LRRC15: variants seen among roughly 807,000 people sequenced by gnomAD.
LRRC15 encodes the protein leucine-rich repeat-containing protein 15.
LRRC15 carries 5 observed loss-of-function variants against 4.3 expected under a neutral mutation model. The observed-to-expected ratio is 1.16, with a 90% confidence interval of 0.61 to 2.44. The LOEUF is 2.44. Among genes scored for constraint, LRRC15 ranks in the 30% most tolerant of loss-of-function variants. The pLI is 0.01. For synonymous variants in LRRC15, 337 were observed against 323.2 expected (o/e 1.04, Z -0.46); for missense variants, 769 against 747.0 (o/e 1.03, Z -0.34).
At chr3:194,362,948 T>G (rs546736427) in intron 1 of LRRC15, among the ~76,000 whole-genome samples, 91 of 147,784 alleles carry the variant, frequency 6.2e-4, no homozygotes, top group East Asian at 4.9e-3. Flanking sequence ...TGTTTTTTTT[T>G]TTTTTTTTTT....
chr3:194,368,335 C>A (rs1395021905), intron 1 of LRRC15, among the ~76,000 whole-genome samples: 2 of 152,080 alleles, frequency 1.3e-5, no homozygotes, highest in Non-Finnish European at 2.9e-5. Context: ...ATTTACTGAG[C>A]GAGCTAAGGG....
intron 1 of LRRC15, among the ~76,000 whole-genome samples, chr3:194,365,244 A>G (rs972727612): frequency 2.0e-5 from 3 of 152,174 alleles, no homozygotes; most frequent in Admixed American, 1.3e-4. Context: ...GGACAGCCTG[A>G]CAGCTCTCCT....
At position 194,360,539 on chromosome 3, in the gene LRRC15, A is replaced by G; in HGVS notation, c.505T>C (p.Phe169Leu). The G allele has an allele frequency of 6.2e-7, 1 of 1,613,920 alleles. No homozygotes were observed. The highest frequency in any genetic ancestry group is 8.5e-7 in the Non-Finnish European group (1 of 1,179,968). ...TTCGTGAGTCCTACCAGGTGGTCGA[A>G]GGCTCCGTCAGGGATGTATTCCAGG... is the stretch of plus-strand genomic sequence containing the variant. ...NHLEYIPDGA[F>L]DHLVGLTKLN... Residue 169 changes from phenylalanine (F) to leucine (L), a missense_variant, in exon 2 of 2, where the codon TTC (phenylalanine) becomes CTC (leucine). By Grantham distance (22) the Phe-to-Leu change is conservative. Coordinates refer to ENST00000347624, the MANE Select transcript of LRRC15 (RefSeq NM_130830.5).
intron 1 of LRRC15, among the ~76,000 whole-genome samples, chr3:194,368,824 C>A (rs1029055871): frequency 2.6e-5 from 4 of 152,154 alleles, no homozygotes; most frequent in African/African-American, 9.7e-5. Context: ...GGTTTCTTGG[C>A]CCCAGGTCCT....
chr3:194,357,491 C>A lies in LRRC15; in HGVS notation c.*1807G>T, dbSNP rs1713466565. Reference sequence around the variant, plus strand: ...TTCTCCATTTCACTGTAAACTGGGCCAGTTGTCCAGAGAAAGACACACGTT... The same window carrying A: ...TTCTCCATTTCACTGTAAACTGGGCAAGTTGTCCAGAGAAAGACACACGTT... On this transcript the variant is annotated 3_prime_UTR_variant, in exon 2 of 2. Transcript: ENST00000347624. The A allele has an allele frequency of 1.3e-5, 2 of 152,218 alleles. No individual in the cohort carries two copies. Among genetic ancestry groups the A allele is most frequent in the South Asian group, 4.1e-4 (2 of 4,834 alleles). 9.4% of individuals were successfully genotyped at this position (152,218 alleles called of 1,614,324 possible).
At position 194,360,080 on chromosome 3, in the gene LRRC15, G is replaced by A. The variant is rs2108657384; in HGVS notation, c.964C>T (p.Leu322=). The A allele has an allele frequency of 6.2e-7, 1 of 1,614,234 alleles. No homozygotes were observed. The change falls in exon 2 of 2, where the codon CTG becomes TTG. Residue 322 remains leucine, a synonymous_variant. Transcript: ENST00000347624. The stretch of plus-strand genomic sequence containing the variant: ...CTGATCTGATTGCGGCTAAGAATCA[G>A]GACCTGCAACTGGCGGAGGTTGCTG... ...VFSNLRQLQV[L]ILSRNQISFI...
chr3:194,368,956 C>T (rs1309645302), intron 1 of LRRC15, among the ~76,000 whole-genome samples: 1 of 152,250 alleles, frequency 6.6e-6, no homozygotes, highest in East Asian at 1.9e-4. Context: ...CCAGGCTCCA[C>T]AGAGGCCGAC....
In LRRC15 at chr3:194,359,031, C is replaced by A. The variant is rs1483796087; in HGVS notation, c.*267G>T. 1 of 333,274 alleles carries A rather than the reference C, an allele frequency of 3.0e-6. No individual in the cohort carries two copies. Among genetic ancestry groups the A allele is most frequent in the African/African-American group, 2.1e-5 (1 of 47,618 alleles). The allele number at this position is 333,274 out of a possible 1,614,324, so 20.6% of individuals were successfully genotyped here. A position where few individuals can be genotyped will look rare whatever the true frequency, so the allele number is the denominator to read the frequency against. On this transcript the variant is annotated 3_prime_UTR_variant, in exon 2 of 2. Transcript: ENST00000347624. ...GGAGGATTTGGAGGAAGAGCCCTCT[C>A]GAAGGAAGCCCAGGGGTATGAATCG...
chr3:194,366,921 C>G (rs973552715), intron 1 of LRRC15, among the ~76,000 whole-genome samples: 3 of 152,132 alleles, frequency 2.0e-5, no homozygotes, highest in African/African-American at 2.4e-5. Context: ...TTTGGCAAAT[C>G]CCTGAGCCTC....
Position 194,361,723 on chromosome 3 carries a change from T to A in LRRC15, c.-3-677A>T, listed in dbSNP as rs970816510. ...ACCACAGAGCTGGGATCTGCCTGAA[T>A]GACTACAGTGGAAGCAGCTCTTCCT... On this transcript the variant is annotated intron_variant, in intron 1 of 1. Transcript: ENST00000347624. Among the ~76,000 whole-genome samples, 6 of 152,196 alleles carry A rather than the reference T, an allele frequency of 3.9e-5. 1 individual carries two copies.
In LRRC15 at chr3:194,359,142, G is replaced by T; in HGVS notation, c.*156C>A. 4.5e-6 allele frequency: 3 copies of T among 663,670 alleles called. No individual in the cohort carries two copies. The highest frequency in any genetic ancestry group is 7.4e-6 in the Non-Finnish European group (3 of 404,588). The allele number at this position is 663,670 out of a possible 1,614,324, so 41.1% of individuals were successfully genotyped here. ...CGGCACGACCTGCTTCTCTACGGGA[G>T]AATCAGGCAAGTCAGGAAGAGGTAG... On this transcript the variant is annotated 3_prime_UTR_variant, in exon 2 of 2. Transcript: ENST00000347624.
At chr3:194,361,445 T>C (rs992618250) in intron 1 of LRRC15, among the ~76,000 whole-genome samples, 2 of 152,148 alleles carry the variant, frequency 1.3e-5, no homozygotes, top group Non-Finnish European at 2.9e-5. Flanking sequence ...CCTGTCTGTC[T>C]CCTTCCCCAG....
At chr3:194,365,323 A>AGCAGAAGCACCGTGACTCACGAGCAAAC (rs1481028313) in intron 1 of LRRC15, among the ~76,000 whole-genome samples, 164 of 152,320 alleles carry the variant, frequency 1.1e-3, no homozygotes, top group Non-Finnish European at 1.9e-3. Context: ...TTTGGGTCTC[A>AGCAGAAGCACCGTGACTCACGAGCAAAC]GCAGAAGCAC....
Position 194,360,781 on chromosome 3 carries a change from T to A in LRRC15, c.263A>T (p.Glu88Val). Residue 88 changes from glutamate (E) to valine (V), a missense_variant, in exon 2 of 2, where the codon GAG becomes GTG. Physicochemically the swap from Glu to Val is moderately radical, Grantham distance 121. Coordinates refer to ENST00000347624, the MANE Select transcript of LRRC15 (RefSeq NM_130830.5). Reference sequence around the variant, plus strand: ...GGCCCCAGGCGTGATGCGCGACAGCTCATTCTTCTCAATCCTCAGGGCGAT... The same window carrying A: ...GGCCCCAGGCGTGATGCGCGACAGCACATTCTTCTCAATCCTCAGGGCGAT... Reference protein sequence around the residue: ...ALIALRIEKNELSRITPGAFR... With the variant: ...ALIALRIEKNVLSRITPGAFR... The A allele has an allele frequency of 1.2e-6, 2 of 1,614,204 alleles. No individual in the cohort carries two copies. Among genetic ancestry groups the A allele is most frequent in the Non-Finnish European group, 1.7e-6 (2 of 1,180,040 alleles).
intron 1 of LRRC15, among the ~76,000 whole-genome samples, chr3:194,366,438 C>T (rs1252908550): frequency 5.3e-5 from 8 of 152,206 alleles, no homozygotes; most frequent in Admixed American, 3.3e-4. Flanking sequence ...TAGGTCTCAG[C>T]GGGGCCCAGG....
intron 1 of LRRC15, among the ~76,000 whole-genome samples, chr3:194,365,871 T>A (rs1713760410): frequency 6.6e-6 from 1 of 152,182 alleles, no homozygotes; most frequent in Non-Finnish European, 1.5e-5. Flanking sequence ...ACCCAGGGAC[T>A]GGGAGGGGCC....
In LRRC15 at chr3:194,358,857, G is replaced by C. The variant is rs1713507050; in HGVS notation, c.*441C>G. 6.3e-6 allele frequency: 1 copy of C among 157,728 alleles called. No individual in the cohort carries two copies. Among genetic ancestry groups the C allele is most frequent in the South Asian group, 2.0e-4 (1 of 5,100 alleles). The allele number at this position is 157,728 out of a possible 1,614,324, so 9.8% of individuals were successfully genotyped here. On this transcript the variant is annotated 3_prime_UTR_variant, in exon 2 of 2. Transcript: ENST00000347624. ...AGCACAAACAAGAGAAACAAAAGAA[G>C]GGAAATCAACTTACATAATACTTAG...
intron 1 of LRRC15, among the ~76,000 whole-genome samples, chr3:194,367,331 G>T (rs537136431): frequency 6.6e-6 from 1 of 151,702 alleles, no homozygotes; most frequent in African/African-American, 2.4e-5. Flanking sequence ...TTTTTGAGAC[G>T]GAGTCTTGCT....
Position 194,359,697 on chromosome 3 carries a change from A to G in LRRC15, c.1347T>C (p.Thr449=), listed in dbSNP as rs1461351268. The G allele has an allele frequency of 6.2e-7, 1 of 1,614,094 alleles. No homozygotes were observed. Among genetic ancestry groups the G allele is most frequent in the Admixed American group, 1.7e-5 (1 of 60,004 alleles). The change falls in exon 2 of 2, where the codon ACT becomes ACC. Residue 449 remains threonine, a synonymous_variant. Coordinates refer to ENST00000347624, the MANE Select transcript of LRRC15 (RefSeq NM_130830.5). ...TGGCTGGGCTGAAACACACAGGTAC[A>G]GTGTCCGTCCCTAACCTAGGCTGGT... is the stretch of plus-strand genomic sequence containing the variant. ...LLNQPRLGTD[T]VPVCFSPANV...
Sources: gnomAD v4.1 joint callset for allele counts (sites outside exome capture counted in the v4.1 genomes callset) on GRCh38, gnomAD v4.1.1 for gene constraint, MANE v1.5 for transcripts, NCBI Gene and HGNC (gene_info 2026-07-23, HGNC 2026-07-21) for gene names.